Variants in TTC39A observed in about 807,000 individuals in gnomAD.
TTC39A encodes tetratricopeptide repeat domain 39A, also known as tetratricopeptide repeat protein 39A.
TTC39A carries 46 observed loss-of-function variants against 82.3 expected under a neutral mutation model. The observed-to-expected ratio is 0.56, with a 90% confidence interval of 0.44 to 0.71. The LOEUF (loss-of-function observed/expected upper bound fraction) is 0.71. TTC39A is among the 30% of genes least tolerant of loss of function. The pLI, the probability that TTC39A is intolerant of heterozygous loss-of-function variation, is 0.00. For synonymous variants in TTC39A, 254 were observed against 275.2 expected, an observed-to-expected ratio of 0.92 and a Z score of 0.76; for missense variants, 543 against 712.9, an observed-to-expected ratio of 0.76 and a Z score of 2.71.
At chr1:51,339,528 G>C (rs1033344602) in intron 1 of TTC39A, among the ~76,000 whole-genome samples, 1 of 152,206 alleles carries the variant, frequency 6.6e-6, no homozygotes, top group African/African-American at 2.4e-5. Context: ...CCCAGAAGTG[G>C]ATGTTCTACA....
At chr1:51,314,094 A>C (rs942047818) in intron 2 of TTC39A, among the ~76,000 whole-genome samples, 1 of 152,200 alleles carries the variant, frequency 6.6e-6, no homozygotes, top group African/African-American at 2.4e-5. Flanking sequence ...GGGCTGAGCC[A>C]AGGTGGCCTC....
intron 1 of TTC39A, among the ~76,000 whole-genome samples, chr1:51,339,268 C>T (rs1229506072): frequency 6.6e-6 from 1 of 152,090 alleles, no homozygotes; most frequent in East Asian, 1.9e-4. Flanking sequence ...TCTCTGATGT[C>T]CCACCTAGTC....
chr1:51,320,332 T>C (rs56043163), intron 2 of TTC39A, among the ~76,000 whole-genome samples: 4,300 of 152,162 alleles, frequency 0.028, 200 homozygotes, highest in African/African-American at 0.099. Context: ...TGATTTTCTT[T>C]GCAATAAGCA....
At chr1:51,322,259 C>A (rs780167628) in intron 1 of TTC39A, 522 of 1,470,584 alleles carry the variant, frequency 3.5e-4, no homozygotes, top group Non-Finnish European at 4.5e-4. Context: ...CTCCCCCAGG[C>A]CTGGACTCTA....
upstream of TTC39A, chr1:51,334,610 G>A (rs111596514): frequency 6.8e-3 from 1,035 of 152,094 alleles, 6 homozygotes; most frequent in Non-Finnish European, 0.01. Flanking sequence ...GGCCATGATG[G>A]TGCCACCGCA....
intron 2 of TTC39A, among the ~76,000 whole-genome samples, chr1:51,320,747 CTAGT>C (rs1645482178): frequency 6.6e-6 from 1 of 151,812 alleles, no homozygotes; most frequent in Non-Finnish European, 1.5e-5. Flanking sequence ...GCCACCACGC[CTAGT>C]TAAACACTGA....
Position 51,287,665 on chromosome 1 carries a change from A to C in TTC39A, c.*492T>G, listed in dbSNP as rs1419171335. On this transcript the variant is annotated 3_prime_UTR_variant, in exon 18 of 18. Coordinates refer to ENST00000680483, the MANE Select transcript of TTC39A (RefSeq NM_001297663.2). ...TGAAGCCTGAGGCTTAGCCTCTCCC[A>C]GGCATTCCTCAGGTCCTCTGAAGGA... 6.3e-6 allele frequency: 1 copy of C among 159,946 alleles called. No homozygotes were observed. Among genetic ancestry groups the C allele is most frequent in the Admixed American group, 5.9e-5 (1 of 16,960 alleles). The allele number at this position is 159,946 out of a possible 1,614,324, so 9.9% of individuals were successfully genotyped here.
At chr1:51,300,036 G>A (rs1644591835) in intron 12 of TTC39A, 1 of 152,268 alleles carries the variant, frequency 6.6e-6, no homozygotes, top group Non-Finnish European at 1.5e-5. Flanking sequence ...TCAACAGCAG[G>A]GTGGGCTCAG....
At position 51,312,257 on chromosome 1, in the gene TTC39A, CCT is replaced by C. The variant is rs998741639; in HGVS notation, c.279-64_279-63del. ...GAGAGAGGCCACACTTGTCTCTGCCCCTCTCTGCTACACCCTAGAACATTCCT... is the reference window on the plus strand; with the variant it reads ...GAGAGAGGCCACACTTGTCTCTGCCCCTCTGCTACACCCTAGAACATTCCT... On this transcript the variant is annotated intron_variant, in intron 3 of 17. Transcript: ENST00000680483. The C allele has an allele frequency of 3.2e-5, 46 of 1,459,742 alleles. No individual in the cohort carries two copies. In the African/African-American group the frequency reaches 5.7e-4, roughly 18 times the overall value. 90.4% of individuals were successfully genotyped at this position (1,459,742 alleles called of 1,614,324 possible).
At position 51,288,743 on chromosome 1, in the gene TTC39A, C is replaced by A; in HGVS notation, c.1610+96G>T. ...ACTGCCAGACTGGCCTTGCTAGCAACTCCACTCACTGCTCTCTGGGCAACT... is the reference window on the plus strand; with the variant it reads ...ACTGCCAGACTGGCCTTGCTAGCAAATCCACTCACTGCTCTCTGGGCAACT... On this transcript the variant is annotated intron_variant, in intron 17 of 17. Coordinates refer to ENST00000680483, the MANE Select transcript of TTC39A (RefSeq NM_001297663.2). The surrounding 1 kb of genome is among the most constrained non-coding windows in gnomAD (Gnocchi z 4.8). 8.5e-7 allele frequency: 1 copy of A among 1,176,408 alleles called. No individual in the cohort carries two copies. The highest frequency in any genetic ancestry group is 2.1e-5 in the Admixed American group (1 of 47,492). The allele number at this position is 1,176,408 out of a possible 1,614,324, so 72.9% of individuals were successfully genotyped here.
chr1:51,308,230 T>C (rs1442736686), intron 6 of TTC39A, among the ~76,000 whole-genome samples: 1 of 151,690 alleles, frequency 6.6e-6, no homozygotes, highest in Non-Finnish European at 1.5e-5. Context: ...TATAAACCTC[T>C]TGCCGCCACC....
At chr1:51,309,144 A>G (rs535254197) in intron 6 of TTC39A, 117 bp downstream of exon 6, 5 of 1,270,136 alleles carry the variant, frequency 3.9e-6, no homozygotes, top group African/African-American at 1.5e-5. Flanking sequence ...ACAGCAGTCT[A>G]CTAGGTTCTG....
At chr1:51,300,964 C>A (rs76294895) in intron 12 of TTC39A, 2,376 of 152,318 alleles carry the variant, frequency 0.016, 21 homozygotes, top group Middle Eastern at 0.031. Context: ...ATGGAGAGAA[C>A]CTTCCTGCAA....
chr1:51,311,364 A>T, intron 4 of TTC39A, 43 bp from the exon 5 acceptor site: 1 of 1,527,016 alleles, frequency 6.5e-7, no homozygotes, highest in Middle Eastern at 1.8e-4. Context: ...CTGGGACTCT[A>T]GTCAGGAGGC....
chr1:51,309,084 A>C lies in TTC39A; in HGVS notation c.488+177T>G, dbSNP rs377602328. ...AGAGACACAGCCAGAAAGCCAGAGG[A>C]ATATGATTCCAGGAGACTGAGGTCC... On this transcript the variant is annotated intron_variant, in intron 6 of 17. Transcript: ENST00000680483. Among the ~76,000 whole-genome samples the C allele has an allele frequency of 6.6e-5, 10 of 152,308 alleles. No homozygotes were observed. In the South Asian group the frequency reaches 1.0e-3, roughly 16 times the overall value.
intron 1 of TTC39A, among the ~76,000 whole-genome samples, chr1:51,324,458 T>C (rs1462078433): frequency 6.6e-6 from 1 of 152,212 alleles, no homozygotes; most frequent in African/African-American, 2.4e-5. Context: ...CAGTTCTCTC[T>C]TCACGCTTGG....
At chr1:51,289,358 A>T (rs1644114379) in intron 16 of TTC39A, among the ~76,000 whole-genome samples, 1 of 152,164 alleles carries the variant, frequency 6.6e-6, no homozygotes, top group Non-Finnish European at 1.5e-5. Flanking sequence ...TGAACAAAAC[A>T]TCCAGGCCCT....
chr1:51,297,421 G>C (rs1348775800), intron 12 of TTC39A: 3 of 152,226 alleles, frequency 2.0e-5, no homozygotes, highest in African/African-American at 7.2e-5. Context: ...GTTTCACCAT[G>C]TTGGCCAGGC....
In TTC39A at chr1:51,288,776, C is replaced by A; in HGVS notation, c.1610+63G>T. ...ACTGCTCTCTGGGCAACTCTGTCCC[C>A]AGCCAGCTCCTGAGCTGAGTTCAGA... is the stretch of plus-strand genomic sequence containing the variant. On this transcript the variant is annotated intron_variant, in intron 17 of 17. Coordinates refer to ENST00000680483, the MANE Select transcript of TTC39A (RefSeq NM_001297663.2). The surrounding 1 kb of genome is among the most constrained non-coding windows in gnomAD (Gnocchi z 4.8). 1 of 1,491,738 alleles carries A rather than the reference C, an allele frequency of 6.7e-7. No individual in the cohort carries two copies. The highest frequency in any genetic ancestry group is 9.1e-7 in the Non-Finnish European group (1 of 1,094,352). The allele number at this position is 1,491,738 out of a possible 1,614,324, so 92.4% of individuals were successfully genotyped here.
Sources: gnomAD v4.1 joint callset for allele counts (sites outside exome capture counted in the v4.1 genomes callset) on GRCh38, gnomAD v4.1.1 for gene constraint, Gnocchi (gnomAD v3.1) non-coding constraint, MANE v1.5 for transcripts, NCBI Gene and HGNC (gene_info 2026-07-23, HGNC 2026-07-21) for gene names.